ITGBL1: variants seen among roughly 807,000 people sequenced by gnomAD.
ITGBL1 encodes the protein integrin beta-like protein 1.
In ITGBL1, 51 loss-of-function variants were observed where a neutral mutation model predicts 68.5. The observed-to-expected ratio is 0.74, with a 90% CI of 0.59 to 0.94. The LOEUF (loss-of-function observed/expected upper bound fraction) is 0.94, where lower values mean the gene tolerates loss of function less well. ITGBL1 is among the 40% of genes least tolerant of loss of function. The pLI, the probability that ITGBL1 is intolerant of heterozygous loss-of-function variation, is 0.00. For synonymous variants in ITGBL1, 209 were observed against 227.3 expected (o/e 0.92, Z 0.72); for missense variants, 649 against 647.4 (o/e 1.00, Z -0.03).
chr13:101,573,248 A>T (rs1279092596), intron 3 of ITGBL1, among the ~76,000 whole-genome samples: 1 of 152,184 alleles, frequency 6.6e-6, no homozygotes, highest in African/African-American at 2.4e-5. Context: ...TTAGATTTCA[A>T]ATTACTTTTA....
intron 7 of ITGBL1, among the ~76,000 whole-genome samples, chr13:101,651,995 A>T (rs1292687286): frequency 1.3e-5 from 2 of 152,038 alleles, no homozygotes; most frequent in East Asian, 3.9e-4. Context: ...GTGCAGTCTT[A>T]TTTCTGAGTT....
chr13:101,650,043 A>AAG (rs752732738), intron 7 of ITGBL1, among the ~76,000 whole-genome samples: 127 of 151,918 alleles, frequency 8.4e-4, no homozygotes, highest in South Asian at 2.1e-3. Context: ...GAATAAAAGC[A>AAG]AGAGAGAGAG....
At chr13:101,639,675 A>G (rs542214785) in intron 7 of ITGBL1, among the ~76,000 whole-genome samples, 59 of 152,266 alleles carry the variant, frequency 3.9e-4, no homozygotes, top group Admixed American at 2.0e-4. Flanking sequence ...ATTCTGCATT[A>G]CACACCGTCT....
chr13:101,593,807 A>G (rs2050698106), intron 6 of ITGBL1, among the ~76,000 whole-genome samples: 1 of 152,090 alleles, frequency 6.6e-6, no homozygotes, highest in Admixed American at 6.6e-5. Context: ...TCCAAGTTAC[A>G]ATCAGATAGC....
intron 7 of ITGBL1, among the ~76,000 whole-genome samples, chr13:101,663,210 G>T (rs143062432): frequency 3.3e-5 from 5 of 152,210 alleles, no homozygotes; most frequent in African/African-American, 1.2e-4. Flanking sequence ...GGGAAAAAAT[G>T]CAAATAATAC....
chr13:101,577,820 A>G (rs997935060), intron 4 of ITGBL1, among the ~76,000 whole-genome samples: 3 of 152,150 alleles, frequency 2.0e-5, no homozygotes, highest in African/African-American at 7.2e-5. Flanking sequence ...AGTAGACACC[A>G]TTTTAAGTTC....
chr13:101,605,915 CAT>C (rs1485698657), intron 7 of ITGBL1, among the ~76,000 whole-genome samples: 27 of 138,534 alleles, frequency 1.9e-4, no homozygotes, highest in Admixed American at 4.5e-4. Flanking sequence ...TATATGTACA[CAT>C]ATATAGACAT....
chr13:101,676,114 A>G (rs1261246046), intron 7 of ITGBL1, among the ~76,000 whole-genome samples: 1 of 152,064 alleles, frequency 6.6e-6, no homozygotes, highest in African/African-American at 2.4e-5. Context: ...TGTTACCTGC[A>G]TCATTTTTTA....
chr13:101,606,715 G>A (rs894953335), intron 7 of ITGBL1, among the ~76,000 whole-genome samples: 6 of 151,932 alleles, frequency 3.9e-5, no homozygotes, highest in Non-Finnish European at 8.8e-5. Context: ...GCTGGAGATC[G>A]TCTCTGACCC....
At chr13:101,508,722 A>G (rs930449296) in intron 2 of ITGBL1, among the ~76,000 whole-genome samples, 5 of 152,098 alleles carry the variant, frequency 3.3e-5, no homozygotes, top group Non-Finnish European at 7.4e-5. Context: ...AGTCAAATCA[A>G]TTGATTTTTT....
chr13:101,672,586 A>G (rs2033404847), intron 7 of ITGBL1, among the ~76,000 whole-genome samples: 1 of 152,152 alleles, frequency 6.6e-6, no homozygotes, highest in South Asian at 2.1e-4. Context: ...CAGCCTTCCC[A>G]CACACAATGT....
chr13:101,660,022 A>C (rs188286636), intron 7 of ITGBL1, among the ~76,000 whole-genome samples: 11 of 152,228 alleles, frequency 7.2e-5, no homozygotes, highest in Admixed American at 3.9e-4. Context: ...TCTTCTGTGC[A>C]TTGTAGGGTG....
chr13:101,518,103 A>G (rs2049224781), intron 2 of ITGBL1, among the ~76,000 whole-genome samples: 1 of 152,152 alleles, frequency 6.6e-6, no homozygotes, highest in Admixed American at 6.5e-5. Flanking sequence ...CAGAGATTTG[A>G]CCTCAGATGA....
chr13:101,522,225 T>TG (rs1183472537), intron 2 of ITGBL1, among the ~76,000 whole-genome samples: 1 of 152,054 alleles, frequency 6.6e-6, no homozygotes, highest in Non-Finnish European at 1.5e-5. Flanking sequence ...ATACGAATGT[T>TG]GGGGGGACAC....
At chr13:101,632,871 A>G (rs769785826) in intron 7 of ITGBL1, among the ~76,000 whole-genome samples, 5 of 152,206 alleles carry the variant, frequency 3.3e-5, no homozygotes, top group African/African-American at 4.8e-5. Flanking sequence ...CCTTCAGTTT[A>G]ATTTCACCTG....
intron 6 of ITGBL1, among the ~76,000 whole-genome samples, chr13:101,584,777 T>G (rs942999): frequency 0.87 from 132,299 of 151,854 alleles, 57,966 homozygotes; most frequent in Middle Eastern, 0.93. Flanking sequence ...AGTGAGTGGC[T>G]TCTGTGTTCC....
At chr13:101,468,056 A>G (rs1159344199) in intron 2 of ITGBL1, among the ~76,000 whole-genome samples, 1 of 152,208 alleles carries the variant, frequency 6.6e-6, no homozygotes, top group Non-Finnish European at 1.5e-5. Flanking sequence ...TTTCAAAGCT[A>G]TCATTTTCTG....
intron 2 of ITGBL1, among the ~76,000 whole-genome samples, chr13:101,511,183 T>C (rs543071932): frequency 1.8e-4 from 27 of 152,194 alleles, no homozygotes; most frequent in African/African-American, 6.0e-4. Flanking sequence ...GAATAATCAT[T>C]CTCTTCTACT....
At chr13:101,571,212 T>C (rs1055307892) in intron 3 of ITGBL1, among the ~76,000 whole-genome samples, 3 of 152,114 alleles carry the variant, frequency 2.0e-5, no homozygotes, top group Non-Finnish European at 4.4e-5. Context: ...CTCAATCCTA[T>C]ACTACATCTC....
Sources: allele counts gnomAD v4.1 joint callset (sites outside exome capture counted in the v4.1 genomes callset), GRCh38; gene constraint gnomAD v4.1.1; transcripts MANE v1.5; gene names NCBI Gene and HGNC (gene_info 2026-07-23, HGNC 2026-07-21).